Variants in MICU1 observed in about 807,000 individuals in gnomAD.
MICU1 encodes calcium uptake protein 1, mitochondrial.
Under a neutral mutation model 56.8 loss-of-function variants are expected in MICU1, and 45 were observed. The observed-to-expected ratio is 0.79, with a 90% CI of 0.62 to 1.02. MICU1 has a LOEUF of 1.02. Among genes scored for constraint, MICU1 ranks in the 50% least tolerant of loss-of-function variants. MICU1 has a pLI of 0.00. For missense variants in MICU1, 504 were observed against 587.1 expected (o/e 0.86, Z 1.46); for synonymous variants, 186 against 195.1 (o/e 0.95, Z 0.39).
At chr10:72,401,224 G>A (rs1173745382) in intron 10 of MICU1, among the ~76,000 whole-genome samples, 3 of 152,178 alleles carry the variant, frequency 2.0e-5, no homozygotes, top group African/African-American at 7.2e-5. Flanking sequence ...CAGATGGAAT[G>A]ATCTTGTATT....
intron 1 of MICU1, among the ~76,000 whole-genome samples, chr10:72,585,463 G>A (rs1841023786): frequency 6.6e-6 from 1 of 152,026 alleles, no homozygotes; most frequent in African/African-American, 2.4e-5. Flanking sequence ...GGGAGGCCGA[G>A]GCAGGCAGAT....
chr10:72,439,185 C>CA lies in MICU1; in HGVS notation c.934-15815dup, dbSNP rs1241409704. ...TGGCAAACCAAATCCAGTAGCACAT[C>CA]AAAAAGCTTATCCACCACGATCAAG... On this transcript the variant is annotated intron_variant, in intron 8 of 11. Transcript: ENST00000361114. 2.6e-5 allele frequency among the ~76,000 whole-genome samples: 4 copies of CA among 152,300 alleles called. No homozygotes were observed. In the East Asian group the frequency reaches 7.7e-4, roughly 29 times the overall value.
Position 72,566,787 on chromosome 10 carries a change from G to A in MICU1, c.7C>T (p.Arg3Cys). 11 of 1,609,370 alleles carry A rather than the reference G, an allele frequency of 6.8e-6. No homozygotes were observed. Among genetic ancestry groups the A allele is most frequent in the African/African-American group, 1.3e-5 (1 of 74,752 alleles). MF[R>C]LNSLSALAEL... ...GCCAAAGCAGAAAGTGAGTTCAGAC[G>A]AAACATCCTGTGGACAATAAGTAGA... The change falls in exon 2 of 12, where the codon CGT (arginine) becomes TGT (cysteine). Residue 3 changes from arginine (R) to cysteine (C), a missense_variant. Arg to Cys is a radical substitution (Grantham distance 180). Transcript: ENST00000361114.
chr10:72,625,228 T>C (rs562765800), intron 1 of MICU1, among the ~76,000 whole-genome samples: 1 of 152,338 alleles, frequency 6.6e-6, no homozygotes, highest in South Asian at 2.1e-4. Context: ...TATTTTACTC[T>C]AGTCCCTTAG....
At chr10:72,392,308 T>C (rs569915377) in intron 10 of MICU1, among the ~76,000 whole-genome samples, 155 of 152,254 alleles carry the variant, frequency 1.0e-3, no homozygotes, top group Non-Finnish European at 1.9e-3. Context: ...CAGTGGCTCA[T>C]GCCTGTAATC....
intron 1 of MICU1, among the ~76,000 whole-genome samples, chr10:72,594,278 C>G (rs1470504894): frequency 2.0e-5 from 3 of 152,090 alleles, no homozygotes; most frequent in Non-Finnish European, 2.9e-5. Context: ...TATAAGCATA[C>G]TGAAGTATCA....
intron 4 of MICU1, among the ~76,000 whole-genome samples, chr10:72,541,061 C>T (rs1839761707): frequency 6.6e-6 from 1 of 152,220 alleles, no homozygotes; most frequent in African/African-American, 2.4e-5. Context: ...ATGAAAGTGC[C>T]TTTGCAAAGA....
intron 4 of MICU1, among the ~76,000 whole-genome samples, chr10:72,546,925 T>TGGA (rs1222546421): frequency 4.1e-5 from 6 of 146,700 alleles, no homozygotes; most frequent in African/African-American, 1.5e-4. Context: ...GGAGTCTCGC[T>TGGA]CTGTCGCCCA....
chr10:72,422,978 G>A (rs181177201), intron 9 of MICU1, among the ~76,000 whole-genome samples: 4 of 151,620 alleles, frequency 2.6e-5, no homozygotes, highest in Admixed American at 6.6e-5. Context: ...CATCTAAACC[G>A]GTCTCTCCTT....
chr10:72,480,847 T>G (rs1411245243), intron 6 of MICU1, among the ~76,000 whole-genome samples: 1 of 152,232 alleles, frequency 6.6e-6, no homozygotes, highest in East Asian at 1.9e-4. Context: ...AATGAGTTAT[T>G]CTAGCATATT....
At chr10:72,491,771 T>G (rs1297711341) in intron 6 of MICU1, among the ~76,000 whole-genome samples, 2 of 152,210 alleles carry the variant, frequency 1.3e-5, no homozygotes, top group Non-Finnish European at 2.9e-5. Context: ...GTTTCTTCAT[T>G]ATAAGAATCT....
intron 8 of MICU1, among the ~76,000 whole-genome samples, chr10:72,431,389 C>T (rs1302537715): frequency 6.6e-6 from 1 of 152,174 alleles, no homozygotes; most frequent in Admixed American, 6.6e-5. Flanking sequence ...CTTGGCCTCA[C>T]AAAATGCTGG....
intron 4 of MICU1, among the ~76,000 whole-genome samples, chr10:72,539,827 G>A (rs184833790): frequency 6.5e-4 from 99 of 152,242 alleles, no homozygotes; most frequent in Non-Finnish European, 1.1e-3. Flanking sequence ...CCAAGTGTTG[G>A]CAGCAGTGCA....
chr10:72,395,898 C>T lies in MICU1; in HGVS notation c.1180+12031G>A, dbSNP rs188185049. 2.6e-5 allele frequency among the ~76,000 whole-genome samples: 4 copies of T among 152,376 alleles called. No individual in the cohort carries two copies. In the East Asian group the frequency reaches 5.8e-4, roughly 22 times the overall value. On this transcript the variant is annotated intron_variant, in intron 10 of 11. Transcript: ENST00000361114. ...GAAATTTCTGCTGACTTAAATGTCC[C>T]TGTCTGACAGCTCTGAAGAGAGCAG...
intron 6 of MICU1, among the ~76,000 whole-genome samples, chr10:72,504,261 C>T (rs926840160): frequency 6.6e-6 from 1 of 151,988 alleles, no homozygotes; most frequent in African/African-American, 2.4e-5. Flanking sequence ...ACAGCATGGT[C>T]CTGGTACAAA....
At chr10:72,537,730 AAAT>A (rs142005743) in intron 4 of MICU1, among the ~76,000 whole-genome samples, 69,851 of 151,710 alleles carry the variant, frequency 0.46, 20,090 homozygotes, top group Non-Finnish European at 0.67. Context: ...AAAATACTAT[AAAT>A]ATGTGTGTAA....
rs897976764 is a variant in MICU1 at position 72,500,446 on chromosome 10, C to T, written c.652+7709G>A. Among the ~76,000 whole-genome samples the T allele has an allele frequency of 2.7e-5, 4 of 150,040 alleles. No homozygotes were observed. The Admixed American group carries it at 2.7e-4, about 10-fold the overall frequency. Reference sequence around the variant, plus strand: ...CAAGCGATTCTTGTTTCTCAGCTCCCTAATAGCTGGGATTACAGGTACTCA... The same window carrying T: ...CAAGCGATTCTTGTTTCTCAGCTCCTTAATAGCTGGGATTACAGGTACTCA... On this transcript the variant is annotated intron_variant, in intron 6 of 11. Coordinates refer to ENST00000361114, the MANE Select transcript of MICU1 (RefSeq NM_001195518.2).
chr10:72,417,238 G>A (rs925443376), intron 9 of MICU1, among the ~76,000 whole-genome samples: 4 of 152,146 alleles, frequency 2.6e-5, no homozygotes, highest in African/African-American at 9.7e-5. Context: ...GGATCACGAG[G>A]TCAGGAGATC....
intron 6 of MICU1, among the ~76,000 whole-genome samples, chr10:72,492,755 T>C (rs1589274365): frequency 1.5e-5 from 2 of 134,634 alleles, no homozygotes; most frequent in Non-Finnish European, 3.1e-5. Flanking sequence ...AGAGCAAGAC[T>C]CTGTCTCAAA....
Sources: allele counts gnomAD v4.1 joint callset (sites outside exome capture counted in the v4.1 genomes callset), GRCh38; gene constraint gnomAD v4.1.1; transcripts MANE v1.5; gene names NCBI Gene and HGNC (gene_info 2026-07-23, HGNC 2026-07-21).